Variants in UBE4B observed in about 807,000 individuals in gnomAD.
UBE4B encodes ubiquitin conjugation factor E4 B.
A neutral mutation model predicts 148.1 loss-of-function variants in UBE4B; 27 were observed. The ratio of observed to expected loss-of-function variants is 0.18; its 90% CI spans 0.13 to 0.25. UBE4B has a LOEUF of 0.25. Ranked by LOEUF, UBE4B falls within the 10% of genes least tolerant of loss-of-function variation. The pLI is 1.00. For missense variants in UBE4B, 1,170 were observed against 1,662.4 expected, an observed-to-expected ratio of 0.70 and a Z score of 5.15; for synonymous variants, 596 against 619.3, an observed-to-expected ratio of 0.96 and a Z score of 0.56.
chr1:10,165,962 G>C (rs1646239631), intron 23 of UBE4B, among the ~76,000 whole-genome samples: 1 of 152,176 alleles, frequency 6.6e-6, no homozygotes, highest in Non-Finnish European at 1.5e-5. Context: ...AGGGCCTGTT[G>C]AGACACCCAG....
intron 1 of UBE4B, among the ~76,000 whole-genome samples, chr1:10,060,578 G>A (rs527918584): frequency 6.6e-6 from 1 of 152,188 alleles, no homozygotes; most frequent in South Asian, 2.1e-4. Context: ...TTTATGTATG[G>A]CATTTTCCTT....
intron 25 of UBE4B, 86 bp from the exon 26 acceptor site, chr1:10,178,558 T>C (rs1646461074): frequency 1.5e-6 from 2 of 1,373,658 alleles, no homozygotes; most frequent in Non-Finnish European, 1.9e-6. Context: ...AATCCACAAA[T>C]GGATAATACT....
chr1:10,123,431 A>C (rs1645443074), intron 10 of UBE4B, among the ~76,000 whole-genome samples: 1 of 144,070 alleles, frequency 6.9e-6, no homozygotes, highest in Non-Finnish European at 1.6e-5. Flanking sequence ...CTGTCTCAAA[A>C]AAAAAAAAAA....
At chr1:10,166,286 CT>C (rs1422061329) in intron 23 of UBE4B, 1 of 152,184 alleles carries the variant, frequency 6.6e-6, no homozygotes, top group African/African-American at 2.4e-5. Flanking sequence ...AGTCAAACAG[CT>C]CTTATTATCT....
intron 19 of UBE4B, among the ~76,000 whole-genome samples, chr1:10,148,341 A>G (rs898634637): frequency 1.3e-5 from 2 of 152,122 alleles, no homozygotes; most frequent in African/African-American, 2.4e-5. Flanking sequence ...CTTAGCAAGA[A>G]GTCAAGAAGG....
intron 21 of UBE4B, 28 bp downstream of exon 21, chr1:10,151,589 A>G: frequency 6.3e-6 from 10 of 1,589,708 alleles, no homozygotes; most frequent in Non-Finnish European, 8.6e-6. Flanking sequence ...AGTGTAGCAC[A>G]TGGCAGGCCA....
chr1:10,157,163 C>T (rs1288384167), intron 21 of UBE4B, among the ~76,000 whole-genome samples: 5 of 152,150 alleles, frequency 3.3e-5, no homozygotes, highest in South Asian at 4.1e-4. Flanking sequence ...TATGGGCACA[C>T]ACCACCATGC....
intron 16 of UBE4B, among the ~76,000 whole-genome samples, chr1:10,135,759 A>G (rs979666059): frequency 6.6e-6 from 1 of 150,966 alleles, no homozygotes; most frequent in African/African-American, 2.4e-5. Context: ...AAACAGATAC[A>G]AATTGAAAAA....
chr1:10,068,951 C>A (rs1160861114), intron 1 of UBE4B, among the ~76,000 whole-genome samples: 1 of 152,246 alleles, frequency 6.6e-6, no homozygotes, highest in Non-Finnish European at 1.5e-5. Context: ...TTCTCCCAAT[C>A]TTCTCCTACT....
chr1:10,091,603 C>G (rs1488097716), intron 2 of UBE4B, among the ~76,000 whole-genome samples: 6 of 151,856 alleles, frequency 4.0e-5, no homozygotes, highest in Non-Finnish European at 7.4e-5. Flanking sequence ...TGCCACCATG[C>G]CTAATTTTTA....
Position 10,179,202 on chromosome 1 carries a change from C to T in UBE4B, c.3701-214C>T, listed in dbSNP as rs1219997621. 6 of 589,574 alleles carry T rather than the reference C, an allele frequency of 1.0e-5. No homozygotes were observed. In the East Asian group the frequency reaches 1.5e-4, roughly 14 times the overall value. The allele number at this position is 589,574 out of a possible 1,614,324, so 36.5% of individuals were successfully genotyped here. A position where few individuals can be genotyped will look rare whatever the true frequency, so the allele number is the denominator to read the frequency against. ...AGGCTTTCTTCTCTGTTCCCTCCCC[C>T]CAGCAGTAGCTGACAAAGAAGCGCC... On this transcript the variant is annotated intron_variant, in intron 26 of 27. Coordinates refer to ENST00000343090, the MANE Select transcript of UBE4B (RefSeq NM_001105562.3).
At chr1:10,163,646 C>T (rs1463047713) in intron 23 of UBE4B, among the ~76,000 whole-genome samples, 5 of 151,634 alleles carry the variant, frequency 3.3e-5, no homozygotes, top group South Asian at 2.1e-4. Context: ...CCAGCCTGGG[C>T]GACAGAGTGA....
At chr1:10,058,005 T>G (rs1375602753) in intron 1 of UBE4B, among the ~76,000 whole-genome samples, 4 of 152,110 alleles carry the variant, frequency 2.6e-5, no homozygotes, top group Non-Finnish European at 5.9e-5. Flanking sequence ...ACACAAGGAC[T>G]CTTGTGAGAG....
chr1:10,174,912 A>T (rs1646395154), intron 25 of UBE4B, among the ~76,000 whole-genome samples: 1 of 151,846 alleles, frequency 6.6e-6, no homozygotes, highest in African/African-American at 2.4e-5. Flanking sequence ...GTAAAATTGC[A>T]TTTTCTTCTT....
chr1:10,115,276 C>T (rs1298455315), intron 7 of UBE4B, among the ~76,000 whole-genome samples: 2 of 151,574 alleles, frequency 1.3e-5, no homozygotes, highest in Admixed American at 6.6e-5. Flanking sequence ...CATGAGCCAC[C>T]GTGCCCAGCA....
intron 1 of UBE4B, among the ~76,000 whole-genome samples, chr1:10,044,458 G>A (rs1322315921): frequency 6.6e-6 from 1 of 150,480 alleles, no homozygotes; most frequent in African/African-American, 2.4e-5. Context: ...TTTTTCCATG[G>A]GTGGTGGTGG....
chr1:10,127,767 G>A (rs983368165), intron 11 of UBE4B, among the ~76,000 whole-genome samples: 7 of 152,130 alleles, frequency 4.6e-5, no homozygotes, highest in African/African-American at 1.4e-4. Flanking sequence ...CAGAAGCTAG[G>A]AAGACAAGGT....
chr1:10,035,389 G>GT (rs533941719), intron 1 of UBE4B, among the ~76,000 whole-genome samples: 5,404 of 65,924 alleles, frequency 0.082, 627 homozygotes, highest in Non-Finnish European at 0.097. Flanking sequence ...CAGAGATACT[G>GT]TTTTTTTTTT....
rs756099084 is a variant in UBE4B at position 10,094,681 on chromosome 1, G to A, written c.212-780G>A. 4.6e-5 allele frequency among the ~76,000 whole-genome samples: 7 copies of A among 152,048 alleles called. No homozygotes were observed. In the East Asian group the frequency reaches 9.7e-4, roughly 21 times the overall value. Reference sequence around the variant, plus strand: ...AATCTCCTGACCTTGTGATTCACCCGCCTCGACCTCCCAAAATGGTGGGAT... The same window carrying A: ...AATCTCCTGACCTTGTGATTCACCCACCTCGACCTCCCAAAATGGTGGGAT... On this transcript the variant is annotated intron_variant, in intron 2 of 27. Coordinates refer to ENST00000343090, the MANE Select transcript of UBE4B (RefSeq NM_001105562.3).
Sources: gnomAD v4.1 joint callset for allele counts (sites outside exome capture counted in the v4.1 genomes callset) on GRCh38, gnomAD v4.1.1 for gene constraint, MANE v1.5 for transcripts, NCBI Gene and HGNC (gene_info 2026-07-23, HGNC 2026-07-21) for gene names.